Variants in NT5DC1 observed in about 807,000 individuals in gnomAD.
NT5DC1 encodes the protein 5'-nucleotidase domain-containing protein 1.
NT5DC1 carries 42 observed loss-of-function variants against 59.4 expected under a neutral mutation model. The ratio of observed to expected loss-of-function variants is 0.71; its 90% CI spans 0.55 to 0.92. The LOEUF (loss-of-function observed/expected upper bound fraction) is 0.92, where lower values mean the gene tolerates loss of function less well. Ranked by LOEUF, NT5DC1 falls within the 40% of genes least tolerant of loss-of-function variation. The pLI, the probability that NT5DC1 is intolerant of heterozygous loss-of-function variation, is 0.00. For synonymous variants in NT5DC1, 172 were observed against 188.1 expected (o/e 0.91, Z 0.70); for missense variants, 501 against 537.1 (o/e 0.93, Z 0.66).
intron 6 of NT5DC1, among the ~76,000 whole-genome samples, chr6:116,170,902 C>G (rs1780588869): frequency 6.6e-6 from 1 of 152,162 alleles, no homozygotes; most frequent in Non-Finnish European, 1.5e-5. Flanking sequence ...TTAAGGTCAC[C>G]TCCTCCCTTA....
chr6:116,155,004 G>T (rs1420531842), intron 6 of NT5DC1, among the ~76,000 whole-genome samples: 1 of 152,126 alleles, frequency 6.6e-6, no homozygotes, highest in Admixed American at 6.6e-5. Context: ...CCCTGTGCTG[G>T]TTTGAAATGA....
At position 116,221,182 on chromosome 6, in the gene NT5DC1, A is replaced by G. The variant is rs781071016; in HGVS notation, c.658A>G (p.Ser220Gly). 8 of 1,600,060 alleles carry G rather than the reference A, an allele frequency of 5.0e-6. No homozygotes were observed. In the Admixed American group the frequency reaches 1.0e-4, roughly 20 times the overall value. ...NAGKILLLITSSHSDYCRLLC... is the reference protein window; with the variant it reads ...NAGKILLLITGSHSDYCRLLC... The stretch of plus-strand genomic sequence containing the variant: ...TGGGAAAATTCTTCTGTTAATTACC[A>G]GTTCTCACAGTGATTACTGTAGACT... Residue 220 changes from serine to glycine, a missense_variant, in exon 7 of 12, where the codon AGT becomes GGT. Physicochemically the swap from Ser to Gly is moderately conservative, Grantham distance 56. Coordinates refer to ENST00000319550, the MANE Select transcript of NT5DC1 (RefSeq NM_152729.3).
intron 4 of NT5DC1, among the ~76,000 whole-genome samples, chr6:116,113,841 T>A (rs772503789): frequency 6.6e-6 from 1 of 152,198 alleles, no homozygotes; most frequent in Admixed American, 6.5e-5. Context: ...CTGGCAATGC[T>A]GGGATGCTTC....
At chr6:116,222,281 A>G (rs1270839772) in intron 7 of NT5DC1, among the ~76,000 whole-genome samples, 2 of 152,212 alleles carry the variant, frequency 1.3e-5, no homozygotes, top group African/African-American at 4.8e-5. Context: ...ATGCTTTAAA[A>G]TGAACAATCT....
At chr6:116,121,987 C>A in intron 6 of NT5DC1, 8 of 1,589,826 alleles carry the variant, frequency 5.0e-6, no homozygotes, top group Non-Finnish European at 6.9e-6. Context: ...AACACACCCA[C>A]CCATAGAAGG....
At chr6:116,197,569 A>G (rs187971709) in intron 6 of NT5DC1, among the ~76,000 whole-genome samples, 1 of 152,172 alleles carries the variant, frequency 6.6e-6, no homozygotes, top group African/African-American at 2.4e-5. Flanking sequence ...GTGCAGATAG[A>G]AGACAGTATA....
At chr6:116,216,477 A>G (rs934376243) in intron 6 of NT5DC1, among the ~76,000 whole-genome samples, 1 of 151,704 alleles carries the variant, frequency 6.6e-6, no homozygotes, top group Non-Finnish European at 1.5e-5. Context: ...TGCAAATTAA[A>G]TTACAGATCT....
In NT5DC1 at chr6:116,228,912, A is replaced by C. The variant is rs557006589; in HGVS notation, c.802+5781A>C. Among the ~76,000 whole-genome samples, 4 of 152,120 alleles carry C rather than the reference A, an allele frequency of 2.6e-5. No homozygotes were observed. The East Asian group carries it at 7.7e-4, about 29-fold the overall frequency. ...TCCTGTTGTCCTTCAGCTCTCTACCACTGGGAAGCTTTTAACTATCATCTA... is the reference window on the plus strand; with the variant it reads ...TCCTGTTGTCCTTCAGCTCTCTACCCCTGGGAAGCTTTTAACTATCATCTA... On this transcript the variant is annotated intron_variant, in intron 8 of 11. Coordinates refer to ENST00000319550, the MANE Select transcript of NT5DC1 (RefSeq NM_152729.3).
intron 4 of NT5DC1, 23 bp downstream of exon 4, chr6:116,110,979 C>T: frequency 2.1e-6 from 3 of 1,429,918 alleles, no homozygotes; most frequent in Non-Finnish European, 3.0e-6. Flanking sequence ...TGAGGCAGCT[C>T]CACCATCCGC....
chr6:116,122,336 A>G (rs1274210010), intron 6 of NT5DC1, among the ~76,000 whole-genome samples: 1 of 152,210 alleles, frequency 6.6e-6, no homozygotes. Context: ...GAAAATGTTT[A>G]AGAACTATAA....
intron 6 of NT5DC1, among the ~76,000 whole-genome samples, chr6:116,185,906 T>C (rs1262395344): frequency 6.6e-6 from 1 of 152,122 alleles, no homozygotes; most frequent in East Asian, 1.9e-4. Flanking sequence ...CTATTCATCC[T>C]GCAAGTTGTT....
chr6:116,205,462 A>T (rs1781430929), intron 6 of NT5DC1, among the ~76,000 whole-genome samples: 1 of 123,280 alleles, frequency 8.1e-6, no homozygotes, highest in Non-Finnish European at 1.5e-5. Context: ...TTTCCCTGTT[A>T]TCTGGTAGGT....
rs150902482 is a variant in NT5DC1, at chr6:116,129,526, C to G, written c.529+11581C>G. ...AGAGTGGGCTTTATATAGAAGCAAG[C>G]TCGGCCCCCTTTTGCTCTCTTGCAC... On this transcript the variant is annotated intron_variant, in intron 6 of 11. Transcript: ENST00000319550. Among the ~76,000 whole-genome samples the G allele has an allele frequency of 3.8e-3, 573 of 152,276 alleles. 4 individuals are homozygous for G. Among genetic ancestry groups the G allele is most frequent in the Admixed American group, 7.1e-3 (108 of 15,288 alleles).
At chr6:116,113,335 T>G (rs991318170) in intron 4 of NT5DC1, among the ~76,000 whole-genome samples, 2 of 152,214 alleles carry the variant, frequency 1.3e-5, no homozygotes, top group African/African-American at 4.8e-5. Context: ...CATTCTACCA[T>G]GGCCACTAAG....
chr6:116,241,141 C>CA (rs532456933), intron 11 of NT5DC1, among the ~76,000 whole-genome samples: 11,446 of 63,972 alleles, frequency 0.18, 861 homozygotes, highest in African/African-American at 0.32. Flanking sequence ...AAGACTGTCT[C>CA]AAAAAAAAAA....
At chr6:116,121,893 C>T in intron 6 of NT5DC1, 1 of 1,614,024 alleles carries the variant, frequency 6.2e-7, no homozygotes, top group Non-Finnish European at 8.5e-7. Flanking sequence ...CCAGAAGGAC[C>T]TGGGTGCCCT....
chr6:116,125,562 AT>A lies in NT5DC1; in HGVS notation c.529+7619del, dbSNP rs143347650. The A allele has an allele frequency of 8.9e-3, 13,559 of 1,530,884 alleles. 635 individuals carry two copies. The African/African-American group carries it at 0.12, about 14-fold the overall frequency. 94.8% of individuals were successfully genotyped at this position (1,530,884 alleles called of 1,614,324 possible). A position where few individuals can be genotyped will look rare whatever the true frequency, so the allele number is the denominator to read the frequency against. On this transcript the variant is annotated intron_variant, in intron 6 of 11. Coordinates refer to ENST00000319550, the MANE Select transcript of NT5DC1 (RefSeq NM_152729.3). ...AGCATTGTTATTAACCTATTTTTTT[AT>A]TCTCATGTTTCACAGATGAGTTCTT...
intron 8 of NT5DC1, among the ~76,000 whole-genome samples, chr6:116,234,594 G>A (rs1424556585): frequency 6.6e-6 from 1 of 152,070 alleles, no homozygotes; most frequent in African/African-American, 2.4e-5. Context: ...GCCTGCCTCA[G>A]ACTCCCAAAG....
chr6:116,142,173 G>T (rs1437004966), intron 6 of NT5DC1, among the ~76,000 whole-genome samples: 1 of 151,972 alleles, frequency 6.6e-6, no homozygotes, highest in Non-Finnish European at 1.5e-5. Flanking sequence ...ACTAATATTA[G>T]TATAGTTCAC....
Sources: gnomAD v4.1 joint callset for allele counts (sites outside exome capture counted in the v4.1 genomes callset) on GRCh38, gnomAD v4.1.1 for gene constraint, MANE v1.5 for transcripts, NCBI Gene and HGNC (gene_info 2026-07-23, HGNC 2026-07-21) for gene names.